The following VEZT variants were observed in gnomAD, a reference collection of about 807,000 sequenced individuals.
VEZT encodes vezatin, adherens junctions transmembrane protein.
VEZT carries 39 observed loss-of-function variants against 79.9 expected under a neutral mutation model. That is an observed-to-expected ratio of 0.49 (90% CI 0.38 to 0.64). The LOEUF (loss-of-function observed/expected upper bound fraction) is 0.64. VEZT is among the 30% of genes least tolerant of loss of function. The probability of loss-of-function intolerance (pLI) is 0.00; values close to 1 mark genes in which losing one functional copy is unlikely to be tolerated. For missense variants in VEZT, 837 were observed against 893.1 expected (o/e 0.94, Z 0.80); for synonymous variants, 325 against 327.6 (o/e 0.99, Z 0.09).
At chr12:95,237,759 C>A (rs912962203) in intron 1 of VEZT, among the ~76,000 whole-genome samples, 9 of 152,100 alleles carry the variant, frequency 5.9e-5, no homozygotes, top group African/African-American at 1.7e-4. Flanking sequence ...GAGTTTATAC[C>A]TTAAAATTTC....
At chr12:95,283,772 A>G (rs1594018768) in intron 8 of VEZT, among the ~76,000 whole-genome samples, 1 of 152,236 alleles carries the variant, frequency 6.6e-6, no homozygotes, top group East Asian at 1.9e-4. Flanking sequence ...TGAAGACACT[A>G]TGAACTCAGG....
chr12:95,220,988 C>T (rs1260692867), intron 1 of VEZT, among the ~76,000 whole-genome samples: 1 of 152,222 alleles, frequency 6.6e-6, no homozygotes, highest in Non-Finnish European at 1.5e-5. Context: ...CCCACATCCT[C>T]ATCAACCCTT....
intron 2 of VEZT, 58 bp from the exon 3 acceptor site, chr12:95,257,092 T>C (rs1297439310): frequency 4.3e-6 from 6 of 1,395,806 alleles, no homozygotes; most frequent in Non-Finnish European, 5.9e-6. Flanking sequence ...CTTTGAAGTT[T>C]TTCTGCTGTT....
Position 95,230,329 on chromosome 12 carries a change from T to C in VEZT, c.36+12443T>C, listed in dbSNP as rs532206259. 4.6e-5 allele frequency among the ~76,000 whole-genome samples: 7 copies of C among 152,308 alleles called. No homozygotes were observed. In the East Asian group the frequency reaches 1.3e-3, roughly 29 times the overall value. Reference sequence around the variant, plus strand: ...CAGAATATAGCCTCCTATCTCTTATTGTTGAGGTTTTTGCTGATTAAGCCA... The same window carrying C: ...CAGAATATAGCCTCCTATCTCTTATCGTTGAGGTTTTTGCTGATTAAGCCA... On this transcript the variant is annotated intron_variant, in intron 1 of 11. Coordinates refer to ENST00000436874, the MANE Select transcript of VEZT (RefSeq NM_017599.4).
chr12:95,259,638 A>G (rs2064041642), intron 3 of VEZT, among the ~76,000 whole-genome samples: 1 of 152,210 alleles, frequency 6.6e-6, no homozygotes. Context: ...TTTACATAGT[A>G]CACATCCCAG....
At chr12:95,292,336 A>G (rs2139717907) in intron 9 of VEZT, among the ~76,000 whole-genome samples, 1 of 152,274 alleles carries the variant, frequency 6.6e-6, no homozygotes, top group African/African-American at 2.4e-5. Context: ...GCTATTAATA[A>G]TAGTCTTATG....
chr12:95,241,238 T>C (rs1258032731), intron 1 of VEZT, among the ~76,000 whole-genome samples: 2 of 152,098 alleles, frequency 1.3e-5, no homozygotes, highest in African/African-American at 4.8e-5. Flanking sequence ...GGTTTCACCA[T>C]GTTGGCCAGG....
chr12:95,241,620 T>A (rs1213068223), intron 1 of VEZT, among the ~76,000 whole-genome samples: 2 of 152,162 alleles, frequency 1.3e-5, no homozygotes, highest in Non-Finnish European at 2.9e-5. Flanking sequence ...CCCCTCAGTT[T>A]TAACAATGAA....
At chr12:95,226,277 C>G (rs1255043997) in intron 1 of VEZT, among the ~76,000 whole-genome samples, 1 of 151,976 alleles carries the variant, frequency 6.6e-6, no homozygotes, top group Non-Finnish European at 1.5e-5. Flanking sequence ...GCTTTCCTGC[C>G]TCTGTAACAC....
chr12:95,217,971 C>A, intron 1 of VEZT, 85 bp downstream of exon 1: 1 of 1,372,184 alleles, frequency 7.3e-7, no homozygotes, highest in Non-Finnish European at 9.6e-7. Flanking sequence ...GTTCCCGGGG[C>A]GAGGGATCGG....
At chr12:95,268,270 C>T (rs542357075) in intron 5 of VEZT, among the ~76,000 whole-genome samples, 3 of 151,960 alleles carry the variant, frequency 2.0e-5, no homozygotes, top group Admixed American at 2.0e-4. Flanking sequence ...CCGAGGCGGG[C>T]GGATCACGAG....
intron 7 of VEZT, among the ~76,000 whole-genome samples, chr12:95,277,228 T>G (rs2139075991): frequency 6.6e-6 from 1 of 152,344 alleles, no homozygotes; most frequent in South Asian, 2.1e-4. Context: ...TAGTTAAACT[T>G]TATATACCAA....
chr12:95,267,790 G>A (rs2065813622), intron 5 of VEZT, among the ~76,000 whole-genome samples: 1 of 152,170 alleles, frequency 6.6e-6, no homozygotes, highest in African/African-American at 2.4e-5. Context: ...GGGAGGTCGA[G>A]GCATGAGGAT....
At position 95,243,765 on chromosome 12, in the gene VEZT, T is replaced by C. The variant is rs146741318; in HGVS notation, c.37-8175T>C. On this transcript the variant is annotated intron_variant, in intron 1 of 11. Transcript: ENST00000436874. The stretch of plus-strand genomic sequence containing the variant: ...ACGAGGCTCCACTTTCATGGATGGC[T>C]TGGTGCCATTCTCACAATAGTGAGT... Among the ~76,000 whole-genome samples, 494 of 152,320 alleles carry C rather than the reference T, an allele frequency of 3.2e-3. 1 individual carries two copies. Among genetic ancestry groups the C allele is most frequent in the African/African-American group, 0.01 (422 of 41,570 alleles).
intron 2 of VEZT, among the ~76,000 whole-genome samples, chr12:95,252,829 G>T (rs557040824): frequency 6.6e-6 from 1 of 152,346 alleles, no homozygotes; most frequent in East Asian, 1.9e-4. Flanking sequence ...GCTGGGCGTG[G>T]TGGCGGGCGC....
chr12:95,276,567 G>T (rs1225205050), intron 7 of VEZT, among the ~76,000 whole-genome samples: 1 of 151,994 alleles, frequency 6.6e-6, no homozygotes, highest in Admixed American at 6.6e-5. Context: ...ACCATGCCCA[G>T]CCTCCAGTAG....
intron 1 of VEZT, among the ~76,000 whole-genome samples, chr12:95,234,662 T>C (rs1045005059): frequency 6.6e-6 from 1 of 152,080 alleles, no homozygotes; most frequent in Non-Finnish European, 1.5e-5. Context: ...TTTTTTTTGT[T>C]TTTTATTTAT....
chr12:95,238,485 C>G (rs889641856), intron 1 of VEZT, among the ~76,000 whole-genome samples: 10 of 152,124 alleles, frequency 6.6e-5, no homozygotes, highest in Admixed American at 5.2e-4. Context: ...GCCATTATCT[C>G]TAGTTGATCT....
intron 6 of VEZT, among the ~76,000 whole-genome samples, chr12:95,273,462 G>T (rs2067037280): frequency 6.6e-6 from 1 of 152,202 alleles, no homozygotes; most frequent in Non-Finnish European, 1.5e-5. Flanking sequence ...AATTGCCTTT[G>T]CATTTGGATA....
Sources: gnomAD v4.1 joint callset for allele counts (sites outside exome capture counted in the v4.1 genomes callset) on GRCh38, gnomAD v4.1.1 for gene constraint, MANE v1.5 for transcripts, NCBI Gene and HGNC (gene_info 2026-07-23, HGNC 2026-07-21) for gene names.